Variants in CADM2 observed in about 807,000 individuals in gnomAD.
CADM2 encodes the protein cell adhesion molecule 2.
Under a neutral mutation model 49.8 loss-of-function variants are expected in CADM2, and 12 were observed. That is an observed-to-expected ratio of 0.24 (90% CI 0.15 to 0.39). The LOEUF is 0.39. Among genes scored for constraint, CADM2 ranks in the 10% least tolerant of loss-of-function variants. The pLI is 1.00. For missense variants in CADM2, 378 were observed against 492.3 expected (o/e 0.77, Z 2.20); for synonymous variants, 214 against 175.4 (o/e 1.22, Z -1.74).
intron 1 of CADM2, among the ~76,000 whole-genome samples, chr3:85,382,042 A>G (rs565155624): frequency 6.6e-6 from 1 of 152,246 alleles, no homozygotes; most frequent in South Asian, 2.1e-4. Flanking sequence ...TCAGTTATGA[A>G]AAAAGAATCA....
At chr3:85,311,967 A>G (rs1455570691) in intron 1 of CADM2, among the ~76,000 whole-genome samples, 3 of 152,306 alleles carry the variant, frequency 2.0e-5, no homozygotes, top group East Asian at 1.9e-4. Flanking sequence ...CGTCTACTCA[A>G]TCAGTGTAGG....
chr3:85,349,179 G>A (rs1191882550), intron 1 of CADM2, among the ~76,000 whole-genome samples: 3 of 152,104 alleles, frequency 2.0e-5, no homozygotes, highest in African/African-American at 2.4e-5. Flanking sequence ...TCTCATAAGA[G>A]TCCAGAGATT....
chr3:85,659,926 A>AC (rs201254536), intron 1 of CADM2, among the ~76,000 whole-genome samples: 1 of 152,266 alleles, frequency 6.6e-6, no homozygotes, highest in African/African-American at 2.4e-5. Flanking sequence ...CAAGACTTCA[A>AC]TTTAAAAAAA....
At chr3:86,029,502 T>G (rs936185454) in intron 8 of CADM2, among the ~76,000 whole-genome samples, 1 of 151,956 alleles carries the variant, frequency 6.6e-6, no homozygotes, top group Non-Finnish European at 1.5e-5. Context: ...GGTTAGAAAA[T>G]AACAGGATTT....
At chr3:85,913,680 C>T (rs1414959073) in intron 6 of CADM2, among the ~76,000 whole-genome samples, 3 of 152,122 alleles carry the variant, frequency 2.0e-5, no homozygotes, top group Non-Finnish European at 2.9e-5. Context: ...CAACAAACTT[C>T]ATTTCTCTTA....
intron 2 of CADM2, among the ~76,000 whole-genome samples, chr3:85,779,137 A>G (rs1442596368): frequency 6.6e-6 from 1 of 152,140 alleles, no homozygotes; most frequent in Admixed American, 6.6e-5. Context: ...TTTTAGGGCC[A>G]TGAGTCTCTA....
chr3:85,382,493 A>C (rs563722572), intron 1 of CADM2, among the ~76,000 whole-genome samples: 7 of 152,198 alleles, frequency 4.6e-5, no homozygotes, highest in Non-Finnish European at 1.0e-4. Flanking sequence ...TTCCTGACTC[A>C]TGATTACCGC....
chr3:85,081,727 C>T (rs1218455102), intron 1 of CADM2, among the ~76,000 whole-genome samples: 3 of 152,066 alleles, frequency 2.0e-5, no homozygotes, highest in Admixed American at 6.6e-5. Flanking sequence ...TCCAGGGCAT[C>T]GAGGAAGAGG....
chr3:85,151,082 A>C (rs952030063), intron 1 of CADM2, among the ~76,000 whole-genome samples: 1 of 152,048 alleles, frequency 6.6e-6, no homozygotes, highest in African/African-American at 2.4e-5. Context: ...AGATGGGGAC[A>C]CAGGGATGTA....
chr3:85,900,004 C>T (rs1715890401), intron 5 of CADM2, among the ~76,000 whole-genome samples: 1 of 152,158 alleles, frequency 6.6e-6, no homozygotes, highest in Admixed American at 6.5e-5. Context: ...CTCCCAGCTT[C>T]ATCACCTTAA....
At chr3:85,967,096 A>G (rs1439599121) in intron 8 of CADM2, among the ~76,000 whole-genome samples, 2 of 151,666 alleles carry the variant, frequency 1.3e-5, no homozygotes, top group African/African-American at 2.4e-5. Flanking sequence ...ATAAATGTCA[A>G]AAAACACTCA....
At chr3:85,615,243 A>G (rs954164448) in intron 1 of CADM2, among the ~76,000 whole-genome samples, 3 of 151,964 alleles carry the variant, frequency 2.0e-5, no homozygotes, top group African/African-American at 7.2e-5. Flanking sequence ...AAAGAAAAGA[A>G]AGAAAGAGAA....
chr3:85,973,967 G>GTACC (rs1413303074), intron 8 of CADM2, among the ~76,000 whole-genome samples: 5 of 151,690 alleles, frequency 3.3e-5, no homozygotes, highest in African/African-American at 1.2e-4. Context: ...ATTTTGTTAG[G>GTACC]TATCAGGAAA....
chr3:85,518,452 G>A (rs1056610544), intron 1 of CADM2, among the ~76,000 whole-genome samples: 15 of 145,940 alleles, frequency 1.0e-4, no homozygotes, highest in Admixed American at 5.5e-4. Flanking sequence ...AAATCCCAAA[G>A]TTACTTCTAC....
chr3:85,729,482 G>A (rs903830728), intron 2 of CADM2, among the ~76,000 whole-genome samples: 1 of 87,418 alleles, frequency 1.1e-5, no homozygotes, highest in African/African-American at 4.8e-5. Context: ...TTATAACTGG[G>A]AAAGGGCTAG....
chr3:85,336,774 G>T (rs2045089580), intron 1 of CADM2, among the ~76,000 whole-genome samples: 1 of 149,316 alleles, frequency 6.7e-6, no homozygotes, highest in Non-Finnish European at 1.5e-5. Flanking sequence ...AACATTTAGA[G>T]TTCTCAATCA....
intron 1 of CADM2, among the ~76,000 whole-genome samples, chr3:85,107,986 G>C (rs1352262189): frequency 6.6e-6 from 1 of 151,998 alleles, no homozygotes; most frequent in Non-Finnish European, 1.5e-5. Flanking sequence ...ACAGGTGTGA[G>C]CCTGTTATCA....
chr3:85,133,737 C>T (rs1281347220), intron 1 of CADM2, among the ~76,000 whole-genome samples: 1 of 152,230 alleles, frequency 6.6e-6, no homozygotes, highest in Non-Finnish European at 1.5e-5. Context: ...ATTTACAATC[C>T]CTGAGCTAGA....
intron 1 of CADM2, among the ~76,000 whole-genome samples, chr3:85,080,915 A>G (rs540252146): frequency 7.3e-4 from 111 of 152,226 alleles, no homozygotes; most frequent in African/African-American, 2.5e-3. Context: ...TTAGAATACA[A>G]TCCAGGACTG....
Sources: allele counts gnomAD v4.1 joint callset (sites outside exome capture counted in the v4.1 genomes callset), GRCh38; gene constraint gnomAD v4.1.1; transcripts MANE v1.5; gene names NCBI Gene and HGNC (gene_info 2026-07-23, HGNC 2026-07-21).